Variants in MDFI observed in about 807,000 individuals in gnomAD.
The protein encoded by MDFI is inhibitor of MyoD family a.
In MDFI, 16 loss-of-function variants were observed where a neutral mutation model predicts 22.3. The observed-to-expected ratio is 0.72, with a 90% confidence interval of 0.49 to 1.09. The LOEUF is 1.09. Among genes scored for constraint, MDFI ranks in the 50% least tolerant of loss-of-function variants. MDFI has a pLI of 0.00. For synonymous variants in MDFI, 145 were observed against 142.7 expected (o/e 1.02, Z -0.12); for missense variants, 314 against 326.1 (o/e 0.96, Z 0.29).
rs976593211 is a variant in MDFI, at chr6:41,653,279, C to A, written c.485-40C>A. The A allele has an allele frequency of 3.8e-6, 6 of 1,596,318 alleles. No individual in the cohort carries two copies. The Admixed American group carries it at 1.0e-4, about 27-fold the overall frequency. On this transcript the variant is annotated intron_variant, in intron 4 of 4. Coordinates refer to ENST00000230321, the MANE Select transcript of MDFI (RefSeq NM_005586.4). The surrounding 1 kb of genome is among the most constrained non-coding windows in gnomAD (Gnocchi z 4.2). ...GCTATTTCACACACGCTCATCCCTC[C>A]CCTCTCTCACCCGTCCCCCTCTCCA... is the stretch of plus-strand genomic sequence containing the variant.
In MDFI at chr6:41,651,701, A is replaced by G. The variant is rs541573772; in HGVS notation, c.485-1618A>G. 2.0e-5 allele frequency among the ~76,000 whole-genome samples: 3 copies of G among 152,258 alleles called. 1 individual carries two copies. In the South Asian group the frequency reaches 6.2e-4, roughly 32 times the overall value. On this transcript the variant is annotated intron_variant, in intron 4 of 4. Coordinates refer to ENST00000230321, the MANE Select transcript of MDFI (RefSeq NM_005586.4). ...TTCCCTCCACACAGGAATGCAGGAG[A>G]ACAGGGTTAGACCCTCCACAGCACA...
intron 2 of MDFI, among the ~76,000 whole-genome samples, chr6:41,643,552 A>G (rs1477522270): frequency 1.3e-5 from 1 of 77,422 alleles, no homozygotes; most frequent in East Asian, 3.2e-4. Flanking sequence ...GAAGGAGGGA[A>G]GGAAGGAAGG....
In MDFI at chr6:41,646,115, T is replaced by C. The variant is rs962482279; in HGVS notation, c.77-11T>C. On this transcript the variant is annotated splice_polypyrimidine_tract_variant and intron_variant, in intron 2 of 4. Transcript: ENST00000230321. ...AGGAAAATGGACCTCAGTCATCTGC[T>C]TTTTTCCTAGCCCAGACCCTATCCC... is the stretch of plus-strand genomic sequence containing the variant. The C allele has an allele frequency of 7.6e-6, 11 of 1,454,948 alleles. No homozygotes were observed. The highest frequency in any genetic ancestry group is 2.6e-5 in the Admixed American group (1 of 37,766). The allele number at this position is 1,454,948 out of a possible 1,614,324, so 90.1% of individuals were successfully genotyped here. A position where few individuals can be genotyped will look rare whatever the true frequency, so the allele number is the denominator to read the frequency against.
chr6:41,638,538 G>T lies in MDFI; in HGVS notation c.-126G>T, dbSNP rs1452984081. ...AGCAGCGAGTGAGAGGGGAAGGGGCGCCAGGCGAGCACCCGGGAGCCAGCG... is the reference window on the plus strand; with the variant it reads ...AGCAGCGAGTGAGAGGGGAAGGGGCTCCAGGCGAGCACCCGGGAGCCAGCG... On this transcript the variant is annotated 5_prime_UTR_variant, in exon 1 of 5. Coordinates refer to ENST00000230321, the MANE Select transcript of MDFI (RefSeq NM_005586.4). This position sits in a 1 kb window ranked among gnomAD's most constrained non-coding sequence, Gnocchi z 7.6. 4 of 543,928 alleles carry T rather than the reference G, an allele frequency of 7.4e-6. No individual in the cohort carries two copies. The highest frequency in any genetic ancestry group is 6.1e-5 in the African/African-American group (3 of 49,100). The allele number at this position is 543,928 out of a possible 1,614,324, so 33.7% of individuals were successfully genotyped here.
At chr6:41,639,662 G>T (rs1015195759) in intron 2 of MDFI, 4 of 985,418 alleles carry the variant, frequency 4.1e-6, no homozygotes, top group Non-Finnish European at 4.8e-6. Flanking sequence ...CAGGGGAACC[G>T]CGTGCAGGAG....
chr6:41,642,445 A>G (rs573707657), intron 2 of MDFI, among the ~76,000 whole-genome samples: 2 of 151,902 alleles, frequency 1.3e-5, no homozygotes, highest in East Asian at 3.9e-4. Flanking sequence ...TCTCTTGGTT[A>G]CAGAATGGCA....
Position 41,653,237 on chromosome 6 carries a change from A to G in MDFI, c.485-82A>G, listed in dbSNP as rs2842657. The stretch of plus-strand genomic sequence containing the variant: ...GCGTCCCTGCTGCTGCCGCTGCCGC[A>G]GGCCCCCACACCCCCGGCTATTTCA... On this transcript the variant is annotated intron_variant, in intron 4 of 4. Transcript: ENST00000230321. This position sits in a 1 kb window ranked among gnomAD's most constrained non-coding sequence, Gnocchi z 4.2. 1,168,959 of 1,422,166 alleles carry G rather than the reference A, an allele frequency of 0.82. 482,779 individuals are homozygous for G. The highest frequency in any genetic ancestry group is 0.96 in the East Asian group (41,919 of 43,604). The allele number at this position is 1,422,166 out of a possible 1,614,324, so 88.1% of individuals were successfully genotyped here.
At chr6:41,639,871 C>A in intron 2 of MDFI, 2 of 985,438 alleles carry the variant, frequency 2.0e-6, no homozygotes, top group Non-Finnish European at 2.4e-6. Context: ...CCCTCGAAGC[C>A]GGCCTGCCTG....
Position 41,638,962 on chromosome 6 carries a change from T to C in MDFI, c.76+137T>C. 1 of 1,040,834 alleles carries C rather than the reference T, an allele frequency of 9.6e-7. No homozygotes were observed. Among genetic ancestry groups the C allele is most frequent in the Non-Finnish European group, 1.4e-6 (1 of 738,228 alleles). 64.5% of individuals were successfully genotyped at this position (1,040,834 alleles called of 1,614,324 possible). The stretch of plus-strand genomic sequence containing the variant: ...TTGGTGGGGGTAGGGACGAAAAGTC[T>C]GGGTTTGAGGACTTGGTCCAAGGAG... On this transcript the variant is annotated intron_variant, in intron 2 of 4. Coordinates refer to ENST00000230321, the MANE Select transcript of MDFI (RefSeq NM_005586.4). The surrounding 1 kb of genome is among the most constrained non-coding windows in gnomAD (Gnocchi z 7.6).
chr6:41,647,290 C>T (rs80119045), intron 3 of MDFI, among the ~76,000 whole-genome samples: 6,825 of 152,340 alleles, frequency 0.045, 234 homozygotes, highest in East Asian at 0.18. Context: ...TGCTCTGTGA[C>T]TCAGCCCCCA....
chr6:41,653,523 C>T lies in MDFI; in HGVS notation c.689C>T (p.Ala230Val), dbSNP rs373379826. ...CGILDACCES[A>V]DCLEICMECC... ...ATCCTGGATGCCTGCTGCGAGTCCG[C>T]GGACTGCCTGGAGATCTGCATGGAG... Residue 230 changes from alanine (A) to valine (V), a missense_variant, in exon 5 of 5, where the codon GCG (alanine) becomes GTG (valine). By Grantham distance (64) the Ala-to-Val change is moderately conservative (BLOSUM62 0). Transcript: ENST00000230321. The surrounding 1 kb of genome is among the most constrained non-coding windows in gnomAD (Gnocchi z 4.2). 7 of 1,601,800 alleles carry T rather than the reference C, an allele frequency of 4.4e-6. No individual in the cohort carries two copies. Among genetic ancestry groups the T allele is most frequent in the Non-Finnish European group, 4.2e-6 (5 of 1,179,962 alleles).
chr6:41,643,951 A>C (rs1486130658), intron 2 of MDFI, among the ~76,000 whole-genome samples: 3 of 152,162 alleles, frequency 2.0e-5, no homozygotes, highest in Non-Finnish European at 4.4e-5. Context: ...CAGGTCCCCC[A>C]GTTCAGGGCC....
intron 2 of MDFI, chr6:41,639,113 C>A: frequency 1.8e-6 from 1 of 553,188 alleles, no homozygotes; most frequent in Non-Finnish European, 2.3e-6. Flanking sequence ...CACACACATA[C>A]ACTCCGCGGT....
intron 2 of MDFI, among the ~76,000 whole-genome samples, chr6:41,642,105 C>T (rs910314377): frequency 1.3e-5 from 2 of 152,176 alleles, no homozygotes; most frequent in African/African-American, 4.8e-5. Flanking sequence ...TAGATAGCCA[C>T]CCTTGAGAGG....
intron 2 of MDFI, among the ~76,000 whole-genome samples, chr6:41,645,760 C>G (rs1231048958): frequency 6.6e-6 from 1 of 152,134 alleles, no homozygotes; most frequent in Non-Finnish European, 1.5e-5. Context: ...TTGATTCTCC[C>G]TGTCACTCTC....
intron 2 of MDFI, among the ~76,000 whole-genome samples, chr6:41,641,232 G>A (rs116033463): frequency 0.012 from 1,803 of 152,348 alleles, 39 homozygotes; most frequent in African/African-American, 0.041. Context: ...GATGAATATG[G>A]ACACCACTCC....
At chr6:41,652,814 C>T (rs930143477) in intron 4 of MDFI, among the ~76,000 whole-genome samples, 3 of 151,920 alleles carry the variant, frequency 2.0e-5, no homozygotes, top group South Asian at 4.2e-4. Context: ...GATGGGATTT[C>T]GCCATGTTGG....
chr6:41,639,614 C>A lies in MDFI; in HGVS notation c.76+789C>A, dbSNP rs1047813877. ...GAAGCTCCCAAATGGAAGTCCGGGT[C>A]AAGGAGAAGTCAGGAACCTCTGGGA... On this transcript the variant is annotated intron_variant, in intron 2 of 4. Transcript: ENST00000230321. The A allele has an allele frequency of 1.2e-5, 12 of 985,302 alleles. No individual in the cohort carries two copies. The South Asian group carries it at 4.2e-4, about 35-fold the overall frequency. The allele number at this position is 985,302 out of a possible 1,614,324, so 61.0% of individuals were successfully genotyped here.
intron 2 of MDFI, among the ~76,000 whole-genome samples, chr6:41,642,425 G>T (rs553940881): frequency 1.3e-3 from 193 of 152,188 alleles, no homozygotes; most frequent in African/African-American, 4.5e-3. Context: ...TCTGTGGCTG[G>T]ACAGCGGTGT....
Sources: gnomAD v4.1 joint callset for allele counts (sites outside exome capture counted in the v4.1 genomes callset) on GRCh38, gnomAD v4.1.1 for gene constraint, Gnocchi (gnomAD v3.1) non-coding constraint, MANE v1.5 for transcripts, NCBI Gene and HGNC (gene_info 2026-07-23, HGNC 2026-07-21) for gene names.